EMP2: variants seen among roughly 807,000 people sequenced by gnomAD.
EMP2 encodes the protein epithelial membrane protein 2.
In EMP2, 19 loss-of-function variants were observed where a neutral mutation model predicts 13.7. That is an observed-to-expected ratio of 1.38 (90% CI 0.97 to 2.03). The LOEUF (loss-of-function observed/expected upper bound fraction) is 2.03, where lower values mean the gene tolerates loss of function less well. Ranked by LOEUF, EMP2 falls within the 30% of genes most tolerant of loss-of-function variation. The pLI is 0.00. For synonymous variants in EMP2, 97 were observed against 84.7 expected (o/e 1.15, Z -0.80); for missense variants, 253 against 220.7 (o/e 1.15, Z -0.93).
rs773605120 is a variant in EMP2, at chr16:10,530,282, A to G, written c.*2623T>C. The stretch of plus-strand genomic sequence containing the variant: ...CAGAGCCTCACACAGTGCCTGGAAC[A>G]TGGTAAACATTTAATACTATCTGTC... On this transcript the variant is annotated 3_prime_UTR_variant, in exon 5 of 5. Transcript: ENST00000359543. 2.0e-5 allele frequency: 3 copies of G among 152,372 alleles called. No individual in the cohort carries two copies. Among genetic ancestry groups the G allele is most frequent in the Admixed American group, 1.3e-4 (2 of 15,298 alleles). The allele number at this position is 152,372 out of a possible 1,614,324, so 9.4% of individuals were successfully genotyped here.
chr16:10,535,639 G>C (rs2050641228), intron 4 of EMP2, among the ~76,000 whole-genome samples: 1 of 152,114 alleles, frequency 6.6e-6, no homozygotes, highest in African/African-American at 2.4e-5. Context: ...GAGCCCTGGA[G>C]GCCGAGGCTG....
Position 10,531,484 on chromosome 16 carries a change from C to A in EMP2, c.*1421G>T, listed in dbSNP as rs1349878209. The A allele has an allele frequency of 6.6e-6, 1 of 152,068 alleles. No individual in the cohort carries two copies. Among genetic ancestry groups the A allele is most frequent in the Non-Finnish European group, 1.5e-5 (1 of 68,104 alleles). The allele number at this position is 152,068 out of a possible 1,614,324, so 9.4% of individuals were successfully genotyped here. A position where few individuals can be genotyped will look rare whatever the true frequency, so the allele number is the denominator to read the frequency against. On this transcript the variant is annotated 3_prime_UTR_variant, in exon 5 of 5. Transcript: ENST00000359543. ...TAGCTGGGATTACAGGCATGCACCA[C>A]CACGCCCAGCTCATTTTTGTATTTT...
intron 1 of EMP2, among the ~76,000 whole-genome samples, chr16:10,575,163 G>A (rs1276691146): frequency 6.7e-6 from 1 of 148,404 alleles, no homozygotes; most frequent in Admixed American, 6.8e-5. Context: ...CAGGCTTAAG[G>A]AAACCTTTGC....
At chr16:10,568,462 T>C (rs2050924331) in intron 1 of EMP2, among the ~76,000 whole-genome samples, 1 of 152,342 alleles carries the variant, frequency 6.6e-6, no homozygotes, top group East Asian at 1.9e-4. Flanking sequence ...TTTTTCACGA[T>C]GCCTCCTGGG....
intron 1 of EMP2, among the ~76,000 whole-genome samples, chr16:10,555,550 C>A (rs2050821108): frequency 6.6e-6 from 1 of 151,900 alleles, no homozygotes; most frequent in African/African-American, 2.4e-5. Context: ...AAACAGTCTT[C>A]TGTCATACCC....
chr16:10,546,249 C>T (rs936912932), intron 2 of EMP2: 16 of 152,170 alleles, frequency 1.1e-4, no homozygotes, highest in African/African-American at 3.4e-4. Flanking sequence ...GGTGGCCACT[C>T]GTATGGTGTA....
At position 10,565,412 on chromosome 16, in the gene EMP2, C is replaced by T. The variant is rs553995065; in HGVS notation, c.-61+15137G>A. 2.6e-5 allele frequency among the ~76,000 whole-genome samples: 4 copies of T among 152,306 alleles called. No homozygotes were observed. The South Asian group carries it at 8.3e-4, about 32-fold the overall frequency. Reference sequence around the variant, plus strand: ...GAACAAAAGGCTGACTTCCTCGGAACAAGAAGGAATTCTGCCAGCAAATGA... The same window carrying T: ...GAACAAAAGGCTGACTTCCTCGGAATAAGAAGGAATTCTGCCAGCAAATGA... On this transcript the variant is annotated intron_variant, in intron 1 of 4. Transcript: ENST00000359543.
chr16:10,552,165 A>G (rs1435246581), intron 1 of EMP2, among the ~76,000 whole-genome samples: 3 of 151,562 alleles, frequency 2.0e-5, no homozygotes, highest in Non-Finnish European at 4.4e-5. Flanking sequence ...CTGGGGGGAA[A>G]AAGGGCTCAT....
Position 10,580,556 on chromosome 16 carries a change from T to C in EMP2, c.-68A>G, listed in dbSNP as rs1292459217. 1 of 152,602 alleles carries C rather than the reference T, an allele frequency of 6.6e-6. No individual in the cohort carries two copies. The highest frequency in any genetic ancestry group is 2.4e-5 in the African/African-American group (1 of 41,448). The allele number at this position is 152,602 out of a possible 1,614,324, so 9.5% of individuals were successfully genotyped here. A position where few individuals can be genotyped will look rare whatever the true frequency, so the allele number is the denominator to read the frequency against. On this transcript the variant is annotated 5_prime_UTR_variant, in exon 1 of 5. Coordinates refer to ENST00000359543, the MANE Select transcript of EMP2 (RefSeq NM_001424.6). The surrounding 1 kb of genome is among the most constrained non-coding windows in gnomAD (Gnocchi z 4.3). ...GGTGCGCCCACAACTCACCCGGCGCTGGCGGCTGCGCTGGCAGCTGGATCG... is the reference window on the plus strand; with the variant it reads ...GGTGCGCCCACAACTCACCCGGCGCCGGCGGCTGCGCTGGCAGCTGGATCG...
chr16:10,572,554 G>A (rs181602901), intron 1 of EMP2, among the ~76,000 whole-genome samples: 20 of 152,124 alleles, frequency 1.3e-4, no homozygotes, highest in Admixed American at 1.0e-3. Flanking sequence ...TTCACTACCC[G>A]GCACATAGTA....
intron 1 of EMP2, among the ~76,000 whole-genome samples, chr16:10,566,577 C>T (rs1243592334): frequency 6.6e-6 from 1 of 152,210 alleles, no homozygotes; most frequent in Non-Finnish European, 1.5e-5. Context: ...TCTAAAATCA[C>T]CCCAGCATCA....
At position 10,531,132 on chromosome 16, in the gene EMP2, G is replaced by T. The variant is rs7188138; in HGVS notation, c.*1773C>A. 0.76 allele frequency: 115,070 copies of T among 151,538 alleles called. 44,088 individuals carry two copies. Among genetic ancestry groups the T allele is most frequent in the African/African-American group, 0.84 (34,901 of 41,334 alleles). The allele number at this position is 151,538 out of a possible 1,614,324, so 9.4% of individuals were successfully genotyped here. On this transcript the variant is annotated 3_prime_UTR_variant, in exon 5 of 5. Coordinates refer to ENST00000359543, the MANE Select transcript of EMP2 (RefSeq NM_001424.6). ...GATTACAGGCACCTGCCACCACACC[G>T]GGCTAATTTTGTTGTATTTTCGGTA...
At position 10,561,504 on chromosome 16, in the gene EMP2, C is replaced by T. The variant is rs547858947; in HGVS notation, c.-60-13827G>A. 1.2e-4 allele frequency among the ~76,000 whole-genome samples: 19 copies of T among 152,092 alleles called. 1 individual carries two copies. The South Asian group carries it at 3.7e-3, about 30-fold the overall frequency. ...AGGAGTGGGCACAGAGGTGGGAGGG[C>T]AACCAAGAGCACATGATGGGACCCA... On this transcript the variant is annotated intron_variant, in intron 1 of 4. Coordinates refer to ENST00000359543, the MANE Select transcript of EMP2 (RefSeq NM_001424.6).
chr16:10,538,095 C>A (rs201850848), intron 3 of EMP2, 21 bp from the exon 4 acceptor site: 59 of 1,611,280 alleles, frequency 3.7e-5, no homozygotes, highest in Non-Finnish European at 3.7e-5. Flanking sequence ...AGGGCAGGGG[C>A]GCAGGACTGA....
At chr16:10,562,282 G>A (rs1057458543) in intron 1 of EMP2, among the ~76,000 whole-genome samples, 1 of 151,310 alleles carries the variant, frequency 6.6e-6, no homozygotes, top group Admixed American at 6.6e-5. Flanking sequence ...AAAGGTGGCA[G>A]AAGTGTGACA....
At chr16:10,538,869 G>A (rs2050671418) in intron 3 of EMP2, among the ~76,000 whole-genome samples, 1 of 152,288 alleles carries the variant, frequency 6.6e-6, no homozygotes, top group Non-Finnish European at 1.5e-5. Flanking sequence ...AGGCTGGAGT[G>A]TAGTGGCACA....
intron 3 of EMP2, among the ~76,000 whole-genome samples, chr16:10,540,999 G>A (rs2050692544): frequency 6.6e-6 from 1 of 151,928 alleles, no homozygotes; most frequent in African/African-American, 2.4e-5. Flanking sequence ...GAGGTGGGAG[G>A]ATCACTCGAA....
intron 3 of EMP2, 105 bp from the exon 4 acceptor site, chr16:10,538,179 A>G: frequency 7.1e-7 from 1 of 1,401,846 alleles, no homozygotes; most frequent in Non-Finnish European, 9.8e-7. Flanking sequence ...CAGGAGGCAA[A>G]CAGGAAGGGG....
In EMP2 at chr16:10,571,673, G is replaced by C. The variant is rs536997878; in HGVS notation, c.-61+8876C>G. Among the ~76,000 whole-genome samples, 11 of 152,350 alleles carry C rather than the reference G, an allele frequency of 7.2e-5. No individual in the cohort carries two copies. The South Asian group carries it at 2.1e-3, about 29-fold the overall frequency. On this transcript the variant is annotated intron_variant, in intron 1 of 4. Transcript: ENST00000359543. ...ATACGTATGGGAAACGGACTGCAAG[G>C]CCATAGTGGCTGCAGGGATACAGGT...
Sources: gnomAD v4.1 joint callset for allele counts (sites outside exome capture counted in the v4.1 genomes callset) on GRCh38, gnomAD v4.1.1 for gene constraint, Gnocchi (gnomAD v3.1) non-coding constraint, MANE v1.5 for transcripts, NCBI Gene and HGNC (gene_info 2026-07-23, HGNC 2026-07-21) for gene names.